SLCO5A1: variants seen among roughly 807,000 people sequenced by gnomAD.
SLCO5A1 encodes organic anion transporter polypeptide-related protein 4.
In SLCO5A1, 39 loss-of-function variants were observed where a neutral mutation model predicts 65.1. That is an observed-to-expected ratio of 0.60 (90% CI 0.46 to 0.78). The LOEUF is 0.78. Among genes scored for constraint, SLCO5A1 ranks in the 30% least tolerant of loss-of-function variants. The pLI, the probability that SLCO5A1 is intolerant of heterozygous loss-of-function variation, is 0.00. For synonymous variants in SLCO5A1, 438 were observed against 415.7 expected (o/e 1.05, Z -0.65); for missense variants, 1,029 against 1,069.4 (o/e 0.96, Z 0.53).
intron 3 of SLCO5A1, among the ~76,000 whole-genome samples, chr8:69,757,870 T>G (rs1334568164): frequency 1.3e-5 from 2 of 152,146 alleles, no homozygotes; most frequent in East Asian, 3.9e-4. Context: ...TGCAGCTCCC[T>G]GAGCTCTCAC....
chr8:69,785,757 C>A (rs149151022), intron 2 of SLCO5A1, among the ~76,000 whole-genome samples: 103 of 152,300 alleles, frequency 6.8e-4, no homozygotes, highest in African/African-American at 2.3e-3. Flanking sequence ...TGAAATCACA[C>A]TTTAACCCAA....
chr8:69,828,818 G>T (rs1018634209), intron 2 of SLCO5A1, among the ~76,000 whole-genome samples: 4 of 152,162 alleles, frequency 2.6e-5, no homozygotes, highest in African/African-American at 9.7e-5. Flanking sequence ...ATATGCACTT[G>T]CTATTTTTCT....
At position 69,672,557 on chromosome 8, in the gene SLCO5A1, C is replaced by T; in HGVS notation, c.*312G>A. ...AGTTAATGATATGCACCGCCATTCC[C>T]CTTCCCATGGTTTTGCTAACCGTGT... On this transcript the variant is annotated 3_prime_UTR_variant, in exon 10 of 10. Coordinates refer to ENST00000260126, the MANE Select transcript of SLCO5A1 (RefSeq NM_030958.3). 3.3e-6 allele frequency: 1 copy of T among 305,380 alleles called. No individual in the cohort carries two copies. Among genetic ancestry groups the T allele is most frequent in the Non-Finnish European group, 6.1e-6 (1 of 164,458 alleles). 18.9% of individuals were successfully genotyped at this position (305,380 alleles called of 1,614,324 possible).
At chr8:69,695,579 A>G (rs1430814907) in intron 6 of SLCO5A1, among the ~76,000 whole-genome samples, 1 of 151,856 alleles carries the variant, frequency 6.6e-6, no homozygotes, top group Non-Finnish European at 1.5e-5. Flanking sequence ...ACCCTTCCGC[A>G]CTATTTTAAT....
At chr8:69,749,373 T>A (rs977188687) in intron 4 of SLCO5A1, among the ~76,000 whole-genome samples, 1 of 152,052 alleles carries the variant, frequency 6.6e-6, no homozygotes, top group African/African-American at 2.4e-5. Flanking sequence ...AATCCCAACA[T>A]TTTGGGAGGC....
intron 6 of SLCO5A1, among the ~76,000 whole-genome samples, chr8:69,704,157 TC>T (rs1286176726): frequency 6.6e-6 from 1 of 152,152 alleles, no homozygotes. Context: ...TGCGTCAGCC[TC>T]CCCCAAGTGC....
chr8:69,784,887 G>GGGAAGGAAGGAGA (rs1563722947), intron 2 of SLCO5A1, among the ~76,000 whole-genome samples: 14 of 76,594 alleles, frequency 1.8e-4, no homozygotes, highest in African/African-American at 7.3e-4. Context: ...AAGAAAGAAA[G>GGGAAGGAAGGAGA]AAGAAAGGAA....
At chr8:69,679,733 A>G in intron 7 of SLCO5A1, 114 bp from the exon 8 acceptor site, 1 of 1,405,132 alleles carries the variant, frequency 7.1e-7, no homozygotes, top group East Asian at 2.3e-5. Flanking sequence ...TATTTTTTCA[A>G]ACACAAAATA....
chr8:69,792,848 A>T (rs973037513), intron 2 of SLCO5A1, among the ~76,000 whole-genome samples: 2 of 152,230 alleles, frequency 1.3e-5, no homozygotes, highest in African/African-American at 4.8e-5. Context: ...AAAAGCACTA[A>T]TCATAGGACT....
chr8:69,729,587 C>T (rs952624050), intron 5 of SLCO5A1, among the ~76,000 whole-genome samples: 2 of 149,668 alleles, frequency 1.3e-5, no homozygotes, highest in African/African-American at 4.9e-5. Context: ...ACTCTGAAAA[C>T]TAGTAAATAA....
chr8:69,687,010 T>C (rs1456003528), intron 6 of SLCO5A1, among the ~76,000 whole-genome samples: 1 of 151,290 alleles, frequency 6.6e-6, no homozygotes, highest in Non-Finnish European at 1.5e-5. Context: ...GTGTCCAGCA[T>C]TGTGCCTGGG....
At chr8:69,820,649 T>A (rs561611990) in intron 2 of SLCO5A1, among the ~76,000 whole-genome samples, 7 of 151,924 alleles carry the variant, frequency 4.6e-5, no homozygotes, top group Non-Finnish European at 8.8e-5. Context: ...CTGGGCAACA[T>A]AATGAGACCA....
chr8:69,757,053 G>A (rs1238522189), intron 3 of SLCO5A1, among the ~76,000 whole-genome samples: 1 of 152,220 alleles, frequency 6.6e-6, no homozygotes, highest in Non-Finnish European at 1.5e-5. Flanking sequence ...ATTGCAAAGT[G>A]AAAATTCATT....
chr8:69,737,734 G>T (rs558768951), intron 5 of SLCO5A1, among the ~76,000 whole-genome samples: 1 of 152,114 alleles, frequency 6.6e-6, no homozygotes, highest in African/African-American at 2.4e-5. Flanking sequence ...CCCATAAAAA[G>T]ATCTATTTAG....
intron 5 of SLCO5A1, among the ~76,000 whole-genome samples, chr8:69,731,277 G>A (rs944029020): frequency 1.3e-5 from 2 of 152,200 alleles, no homozygotes; most frequent in African/African-American, 4.8e-5. Context: ...TGGGATTACA[G>A]GCATGAGCTA....
intron 5 of SLCO5A1, among the ~76,000 whole-genome samples, chr8:69,732,048 G>A (rs1816360127): frequency 6.6e-6 from 1 of 152,138 alleles, no homozygotes; most frequent in Admixed American, 6.5e-5. Context: ...GATGCCCTTA[G>A]AAGAATGAAA....
chr8:69,760,825 G>A (rs568071364), intron 3 of SLCO5A1, among the ~76,000 whole-genome samples: 2 of 152,140 alleles, frequency 1.3e-5, no homozygotes, highest in Admixed American at 6.5e-5. Flanking sequence ...TTCTCATTCT[G>A]AGTCCTAAGC....
intron 2 of SLCO5A1, among the ~76,000 whole-genome samples, chr8:69,782,211 A>G (rs1818828572): frequency 6.6e-6 from 1 of 152,098 alleles, no homozygotes; most frequent in Non-Finnish European, 1.5e-5. Context: ...CTGCACATGT[A>G]TCCCAGAACT....
chr8:69,809,202 T>A (rs1314732611), intron 2 of SLCO5A1, among the ~76,000 whole-genome samples: 5 of 152,226 alleles, frequency 3.3e-5, no homozygotes, highest in African/African-American at 1.2e-4. Flanking sequence ...GTATTTTAAG[T>A]TTTCATTTTT....
Sources: allele counts gnomAD v4.1 joint callset (sites outside exome capture counted in the v4.1 genomes callset), GRCh38; gene constraint gnomAD v4.1.1; transcripts MANE v1.5; gene names NCBI Gene and HGNC (gene_info 2026-07-23, HGNC 2026-07-21).